The following TRIM69 variants were observed in gnomAD, a reference collection of about 807,000 sequenced individuals.
TRIM69 encodes the protein E3 ubiquitin-protein ligase TRIM69.
In TRIM69, 29 loss-of-function variants were observed where a neutral mutation model predicts 37.7. That is an observed-to-expected ratio of 0.77 (90% CI 0.57 to 1.05). TRIM69 has a LOEUF of 1.05. Ranked by LOEUF, TRIM69 falls within the 50% of genes least tolerant of loss-of-function variation. The pLI is 0.00. For missense variants in TRIM69, 596 were observed against 579.9 expected, an observed-to-expected ratio of 1.03 and a Z score of -0.28; for synonymous variants, 209 against 212.4, an observed-to-expected ratio of 0.98 and a Z score of 0.14.
intron 1 of TRIM69, among the ~76,000 whole-genome samples, chr15:44,745,482 A>T (rs1292852491): frequency 6.6e-6 from 1 of 152,210 alleles, no homozygotes; most frequent in Non-Finnish European, 1.5e-5. Flanking sequence ...AAAGTATCGG[A>T]TATTCAACAA....
intron 3 of TRIM69, chr15:44,757,646 T>G (rs545665117): frequency 2.4e-4 from 36 of 152,316 alleles, no homozygotes; most frequent in Admixed American, 2.1e-3. Context: ...CCTCATACTC[T>G]TGGGCTCAAG....
chr15:44,761,923 C>T (rs1266426472), intron 6 of TRIM69, among the ~76,000 whole-genome samples: 1 of 151,958 alleles, frequency 6.6e-6, no homozygotes, highest in Non-Finnish European at 1.5e-5. Context: ...ATATATGTTT[C>T]TTAAATATTT....
intron 1 of TRIM69, among the ~76,000 whole-genome samples, chr15:44,751,733 A>T (rs574877281): frequency 8.9e-4 from 136 of 151,968 alleles, no homozygotes; most frequent in Middle Eastern, 3.4e-3. Flanking sequence ...ATAAGTTTTG[A>T]CATGCTGTGT....
Position 44,767,795 on chromosome 15 carries a change from T to G in TRIM69, c.*23T>G. The stretch of plus-strand genomic sequence containing the variant: ...TAATGAGTCATAATATTATACAAAT[T>G]CAGAGTGTTATTAAAGAGGTATTGA... On this transcript the variant is annotated 3_prime_UTR_variant, in exon 7 of 7. Coordinates refer to ENST00000329464, the MANE Select transcript of TRIM69 (RefSeq NM_182985.5). The G allele has an allele frequency of 1.3e-6, 2 of 1,575,438 alleles. No individual in the cohort carries two copies. Among genetic ancestry groups the G allele is most frequent in the South Asian group, 2.3e-5 (2 of 86,878 alleles).
intron 1 of TRIM69, among the ~76,000 whole-genome samples, chr15:44,744,628 C>G (rs1181901143): frequency 6.6e-6 from 1 of 152,020 alleles, no homozygotes; most frequent in Non-Finnish European, 1.5e-5. Flanking sequence ...TGTAAAATAA[C>G]TTTTTAACAC....
chr15:44,761,264 A>G (rs527934938), intron 6 of TRIM69, among the ~76,000 whole-genome samples: 1 of 152,242 alleles, frequency 6.6e-6, no homozygotes, highest in South Asian at 2.1e-4. Flanking sequence ...ATCAATAATC[A>G]TGATTATTTA....
chr15:44,760,408 T>A (rs2087750726), intron 6 of TRIM69, among the ~76,000 whole-genome samples: 1 of 152,120 alleles, frequency 6.6e-6, no homozygotes, highest in African/African-American at 2.4e-5. Context: ...CAAGATAAAA[T>A]AACACACATG....
Position 44,767,471 on chromosome 15 carries a change from G to A in TRIM69, c.1202G>A (p.Arg401Gln), listed in dbSNP as rs773433344. 117 of 1,614,012 alleles carry A rather than the reference G, an allele frequency of 7.2e-5. No homozygotes were observed. The highest frequency in any genetic ancestry group is 3.3e-4 in the Middle Eastern group (2 of 6,084). Residue 401 changes from arginine to glutamine, a missense_variant, in exon 7 of 7, where the codon CGG becomes CAG. Arg to Gln is a conservative substitution (Grantham distance 43). Transcript: ENST00000329464. ...TVGVVRESII[R>Q]KGSCPLTPEQ... ...GGAGTTGTCAGAGAATCCATCATTC[G>A]GAAGGGCAGCTGTCCTCTAACTCCT...
chr15:44,749,592 C>G (rs1322371505), intron 1 of TRIM69, among the ~76,000 whole-genome samples: 5 of 152,168 alleles, frequency 3.3e-5, no homozygotes, highest in African/African-American at 1.2e-4. Context: ...GAATAATCTT[C>G]CATTGTATGA....
At chr15:44,746,534 A>G (rs1214428791) in intron 1 of TRIM69, among the ~76,000 whole-genome samples, 1 of 152,238 alleles carries the variant, frequency 6.6e-6, no homozygotes, top group Non-Finnish European at 1.5e-5. Flanking sequence ...AATCAATCTT[A>G]GTTTAAAACT....
At chr15:44,767,132 G>A (rs970269856) in intron 6 of TRIM69, 99 bp from the exon 7 acceptor site, 2 of 704,320 alleles carry the variant, frequency 2.8e-6, no homozygotes, top group African/African-American at 3.9e-5. Flanking sequence ...TGTATGGGGA[G>A]ATAAAGTACT....
chr15:44,748,721 G>C (rs1414479328), intron 1 of TRIM69, among the ~76,000 whole-genome samples: 1 of 149,890 alleles, frequency 6.7e-6, no homozygotes, highest in Non-Finnish European at 1.5e-5. Context: ...AGCTACTCGG[G>C]AGTCTGAGAC....
chr15:44,758,507 T>C (rs2087700025), intron 3 of TRIM69, 114 bp from the exon 4 acceptor site: 1 of 1,418,862 alleles, frequency 7.0e-7, no homozygotes, highest in Non-Finnish European at 9.4e-7. Flanking sequence ...TAGCCATTTG[T>C]ATGCATTTTT....
intron 1 of TRIM69, among the ~76,000 whole-genome samples, chr15:44,737,538 TG>T (rs2087187155): frequency 6.6e-6 from 1 of 152,156 alleles, no homozygotes. Context: ...GTAAAAAAAT[TG>T]TTTGTGTGAT....
chr15:44,759,001 G>A (rs1889373996), intron 4 of TRIM69, 147 bp downstream of exon 4: 7 of 1,080,074 alleles, frequency 6.5e-6, no homozygotes, highest in Non-Finnish European at 9.0e-6. Context: ...AGATTCTCTG[G>A]AAGAAAAGGA....
rs1197594945 is a variant in TRIM69, at chr15:44,767,631, G to A, written c.1362G>A (p.Leu454=). 1 of 1,614,158 alleles carries A rather than the reference G, an allele frequency of 6.2e-7. No homozygotes were observed. Among genetic ancestry groups the A allele is most frequent in the South Asian group, 1.1e-5 (1 of 91,084 alleles). The change falls in exon 7 of 7, where the codon TTG becomes TTA. Residue 454 remains leucine, a synonymous_variant. Coordinates refer to ENST00000329464, the MANE Select transcript of TRIM69 (RefSeq NM_182985.5). ...GIYLDYEGGQ[L]SFYNAKTMTH... Reference sequence around the variant, plus strand: ...ACCTGGATTATGAAGGAGGACAGTTGTCCTTCTACAATGCTAAAACCATGA... The same window carrying A: ...ACCTGGATTATGAAGGAGGACAGTTATCCTTCTACAATGCTAAAACCATGA...
chr15:44,756,549 A>G (rs751960249), intron 3 of TRIM69, 86 bp downstream of exon 3: 2 of 884,202 alleles, frequency 2.3e-6, no homozygotes, highest in Non-Finnish European at 1.8e-6. Context: ...GGTGCCTAAC[A>G]TATATTATCT....
Position 44,740,880 on chromosome 15 carries a change from C to T in TRIM69, c.6+4170C>T, listed in dbSNP as rs544263928. Reference sequence around the variant, plus strand: ...ACAATAATAATGGGAGATTTTAACACCCCACTGCCAACATTAGGCAGATCA... The same window carrying T: ...ACAATAATAATGGGAGATTTTAACATCCCACTGCCAACATTAGGCAGATCA... On this transcript the variant is annotated intron_variant, in intron 1 of 6. Transcript: ENST00000329464. Among the ~76,000 whole-genome samples the T allele has an allele frequency of 1.2e-4, 18 of 152,260 alleles. 1 individual carries two copies. The South Asian group carries it at 2.9e-3, about 25-fold the overall frequency.
chr15:44,750,479 T>C (rs1038924272), intron 1 of TRIM69, among the ~76,000 whole-genome samples: 4 of 152,132 alleles, frequency 2.6e-5, no homozygotes, highest in Admixed American at 6.5e-5. Flanking sequence ...TGGTAGTTGG[T>C]GTGCTTCTGG....
Sources: gnomAD v4.1 joint callset for allele counts (sites outside exome capture counted in the v4.1 genomes callset) on GRCh38, gnomAD v4.1.1 for gene constraint, MANE v1.5 for transcripts, NCBI Gene and HGNC (gene_info 2026-07-23, HGNC 2026-07-21) for gene names.